Variants in SLC24A2 observed in about 807,000 individuals in gnomAD.
SLC24A2 encodes solute carrier family 24 member 2.
Under a neutral mutation model 62.0 loss-of-function variants are expected in SLC24A2, and 36 were observed. The ratio of observed to expected loss-of-function variants is 0.58; its 90% CI spans 0.44 to 0.77. The LOEUF (loss-of-function observed/expected upper bound fraction) is 0.77. Ranked by LOEUF, SLC24A2 falls within the 30% of genes least tolerant of loss-of-function variation. The probability of loss-of-function intolerance (pLI) is 0.00; values close to 1 mark genes in which losing one functional copy is unlikely to be tolerated. For synonymous variants in SLC24A2, 358 were observed against 294.0 expected (o/e 1.22, Z -2.23); for missense variants, 846 against 817.9 (o/e 1.03, Z -0.42).
intron 2 of SLC24A2, among the ~76,000 whole-genome samples, chr9:19,725,053 T>C (rs1384212720): frequency 6.6e-6 from 1 of 152,180 alleles, no homozygotes; most frequent in African/African-American, 2.4e-5. Context: ...ACTGTAGTTA[T>C]ATTTATTCAG....
the SLC24A2 span, among the ~76,000 whole-genome samples, chr9:20,211,150 C>G: frequency 6.6e-6 from 1 of 151,562 alleles, no homozygotes; most frequent in Non-Finnish European, 1.5e-5. Flanking sequence ...CATTTGCTAT[C>G]CTGATTGGTG....
At chr9:19,523,151 C>T (rs181147322) in intron 9 of SLC24A2, among the ~76,000 whole-genome samples, 81 of 152,104 alleles carry the variant, frequency 5.3e-4, no homozygotes, top group South Asian at 4.8e-3. Flanking sequence ...ACCTTGTCCC[C>T]GAAATATAAA....
In SLC24A2 at chr9:19,573,401, G is replaced by T. The variant is rs751869966; in HGVS notation, c.1297C>A (p.Pro433Thr). The T allele has an allele frequency of 6.2e-7, 1 of 1,612,954 alleles. No homozygotes were observed. Among genetic ancestry groups the T allele is most frequent in the Non-Finnish European group, 8.5e-7 (1 of 1,179,380 alleles). ...TGGGAGAGATTTCCATTTTGTACAGGTTCTGAAGCATCACTGGATGGTGTC... is the reference window on the plus strand; with the variant it reads ...TGGGAGAGATTTCCATTTTGTACAGTTTCTGAAGCATCACTGGATGGTGTC... The part of the protein sequence containing the change: ...EMTPSSDASE[P>T]VQNGNLSHNI... The change falls in exon 7 of 11, where the codon CCT (proline) becomes ACT (threonine). Residue 433 changes from proline (P) to threonine (T), a missense_variant. By Grantham distance (38) the Pro-to-Thr change is conservative. Transcript: ENST00000341998.
At chr9:20,114,064 G>A in the SLC24A2 span, among the ~76,000 whole-genome samples, 1 of 152,260 alleles carries the variant, frequency 6.6e-6, no homozygotes, top group South Asian at 2.1e-4. Context: ...TTCCTGGTTT[G>A]AAGAGACAGG....
the SLC24A2 span, among the ~76,000 whole-genome samples, chr9:19,890,235 C>T: frequency 6.6e-6 from 1 of 152,172 alleles, no homozygotes; most frequent in South Asian, 2.1e-4. Context: ...CTTCTCATAA[C>T]CTAATTTCAG....
chr9:19,543,426 T>G (rs1202602246), intron 8 of SLC24A2, among the ~76,000 whole-genome samples: 1 of 151,682 alleles, frequency 6.6e-6, no homozygotes, highest in African/African-American at 2.4e-5. Context: ...CATGTCTCTA[T>G]CTCCTTCAGT....
At chr9:20,230,805 G>C in the SLC24A2 span, among the ~76,000 whole-genome samples, 5 of 152,104 alleles carry the variant, frequency 3.3e-5, no homozygotes, top group Non-Finnish European at 5.9e-5. Context: ...TGAAGTCCTT[G>C]CCCATGCCTA....
intron 2 of SLC24A2, among the ~76,000 whole-genome samples, chr9:19,709,851 G>C (rs1402555990): frequency 1.3e-5 from 2 of 151,684 alleles, no homozygotes; most frequent in Non-Finnish European, 2.9e-5. Flanking sequence ...GTATACATAT[G>C]TAACTAACCT....
At chr9:20,066,834 T>A in the SLC24A2 span, among the ~76,000 whole-genome samples, 1 of 152,222 alleles carries the variant, frequency 6.6e-6, no homozygotes, top group African/African-American at 2.4e-5. Flanking sequence ...AAAAGCTTGT[T>A]AAACTCTTAT....
intron 5 of SLC24A2, among the ~76,000 whole-genome samples, chr9:19,579,187 T>A (rs1198191500): frequency 6.6e-6 from 1 of 151,718 alleles, no homozygotes; most frequent in African/African-American, 2.4e-5. Context: ...TCCTGGAGAC[T>A]AGGAAAAGGA....
chr9:20,115,927 A>C, the SLC24A2 span, among the ~76,000 whole-genome samples: 2 of 152,290 alleles, frequency 1.3e-5, no homozygotes, highest in East Asian at 3.9e-4. Flanking sequence ...CAAAATCCCA[A>C]GGCAAGAGAT....
chr9:20,273,942 T>C, the SLC24A2 span, among the ~76,000 whole-genome samples: 2 of 152,210 alleles, frequency 1.3e-5, no homozygotes, highest in Non-Finnish European at 2.9e-5. Flanking sequence ...TTTTCTCTTG[T>C]TAATCTTTCT....
chr9:19,943,125 T>C, the SLC24A2 span, among the ~76,000 whole-genome samples: 2 of 152,184 alleles, frequency 1.3e-5, no homozygotes, highest in Admixed American at 1.3e-4. Flanking sequence ...TACCTGATAA[T>C]GCTTTTAATG....
chr9:20,083,021 A>G, the SLC24A2 span, among the ~76,000 whole-genome samples: 5 of 152,334 alleles, frequency 3.3e-5, no homozygotes, highest in South Asian at 1.0e-3. Flanking sequence ...GGGTGCTGAT[A>G]AACCATTCAG....
intron 8 of SLC24A2, among the ~76,000 whole-genome samples, chr9:19,530,782 G>T (rs1308915510): frequency 6.6e-6 from 1 of 152,086 alleles, no homozygotes; most frequent in Non-Finnish European, 1.5e-5. Flanking sequence ...AATGAAGAAG[G>T]CTAAAAATAT....
chr9:20,293,140 A>T, the SLC24A2 span, among the ~76,000 whole-genome samples: 1 of 152,246 alleles, frequency 6.6e-6, no homozygotes, highest in Non-Finnish European at 1.5e-5. Flanking sequence ...ATTAGGGACC[A>T]GTCCTACTCT....
chr9:20,139,748 C>G, the SLC24A2 span, among the ~76,000 whole-genome samples: 1 of 152,206 alleles, frequency 6.6e-6, no homozygotes, highest in Non-Finnish European at 1.5e-5. Flanking sequence ...TATCTGCCTC[C>G]TGTCTGAATC....
At chr9:19,558,472 G>C (rs1222515890) in intron 7 of SLC24A2, among the ~76,000 whole-genome samples, 2 of 152,072 alleles carry the variant, frequency 1.3e-5, no homozygotes, top group South Asian at 2.1e-4. Flanking sequence ...GCCAAAATGA[G>C]GGCTTGTGAT....
At chr9:20,076,711 T>C in the SLC24A2 span, among the ~76,000 whole-genome samples, 12 of 151,742 alleles carry the variant, frequency 7.9e-5, no homozygotes, top group African/African-American at 2.4e-4. Flanking sequence ...GGCTGGGGGA[T>C]AGGGAGACAC....
Sources: gnomAD v4.1 joint callset for allele counts (sites outside exome capture counted in the v4.1 genomes callset) on GRCh38, gnomAD v4.1.1 for gene constraint, MANE v1.5 for transcripts, NCBI Gene and HGNC (gene_info 2026-07-23, HGNC 2026-07-21) for gene names.